The following COX15 variants were observed in gnomAD, a reference collection of about 807,000 sequenced individuals.
COX15 encodes cytochrome c oxidase assembly factor COX15.
In COX15, 51 loss-of-function variants were observed where a neutral mutation model predicts 51.9. The observed-to-expected ratio is 0.98, with a 90% CI of 0.78 to 1.24. The LOEUF is 1.24. Among genes scored for constraint, COX15 ranks in the 50% most tolerant of loss-of-function variants. The pLI is 0.00. For synonymous variants in COX15, 188 were observed against 190.5 expected (o/e 0.99, Z 0.11); for missense variants, 420 against 501.1 (o/e 0.84, Z 1.55).
rs2036449367 is a variant in COX15 at position 99,713,140 on chromosome 10, G to C, written c.*1447C>G. On this transcript the variant is annotated 3_prime_UTR_variant, in exon 9 of 9. Transcript: ENST00000016171. ...TGTGACACTTCTACTGATAAAACCT[G>C]AAGTACCACTAATTTTTCTGTTATC... is the stretch of plus-strand genomic sequence containing the variant. The C allele has an allele frequency of 7.6e-7, 1 of 1,310,172 alleles. No individual in the cohort carries two copies. The highest frequency in any genetic ancestry group is 9.8e-7 in the Non-Finnish European group (1 of 1,023,388). 81.2% of individuals were successfully genotyped at this position (1,310,172 alleles called of 1,614,324 possible). A position where few individuals can be genotyped will look rare whatever the true frequency, so the allele number is the denominator to read the frequency against.
intron 5 of COX15, among the ~76,000 whole-genome samples, chr10:99,721,707 A>G (rs559022098): frequency 1.3e-5 from 2 of 152,290 alleles, no homozygotes; most frequent in Admixed American, 6.5e-5. Flanking sequence ...ATAGGACAGT[A>G]TATCAGCACT....
chr10:99,697,923 A>G, the COX15 span: 4 of 154,518 alleles, frequency 2.6e-5, no homozygotes, highest in Admixed American at 2.5e-4. Context: ...TATAAACTCA[A>G]AATAACTGGA....
the COX15 span, among the ~76,000 whole-genome samples, chr10:99,695,139 T>C: frequency 6.6e-6 from 1 of 152,162 alleles, no homozygotes; most frequent in Non-Finnish European, 1.5e-5. Context: ...GAAAAAAATA[T>C]AGCACCTTTT....
rs1564651339 is a variant in COX15 at position 99,729,691 on chromosome 10, GT to G, written c.133del (p.Thr45ProfsTer5). Reference protein sequence around the residue: ...RRPLRPGQYSTISEVALQSGR... With the variant: ...RRPLRPGQYSXISEVALQSGR... ...AGATTGCAAAGCTACTTCAGAGATG[GT>G]GCTGTATTGCCCTGGCCTCAAAGGG... On this transcript the variant is annotated frameshift_variant, in exon 2 of 9. Transcript: ENST00000016171. LOFTEE classifies it high-confidence loss of function. 1 of 1,614,168 alleles carries G rather than the reference GT, an allele frequency of 6.2e-7. No individual in the cohort carries two copies. Among genetic ancestry groups the G allele is most frequent in the South Asian group, 1.1e-5 (1 of 91,082 alleles).
downstream of COX15, chr10:99,706,287 T>C (rs1452176457): frequency 6.6e-6 from 1 of 152,140 alleles, no homozygotes. Flanking sequence ...CAGTCTTGTA[T>C]TGTTTTAAAA....
At chr10:99,694,339 G>T in the COX15 span, among the ~76,000 whole-genome samples, 4 of 152,036 alleles carry the variant, frequency 2.6e-5, no homozygotes, top group African/African-American at 9.7e-5. Context: ...TGTTTTCAAG[G>T]TTCAGCCATC....
intron 6 of COX15, among the ~76,000 whole-genome samples, chr10:99,719,561 G>A (rs941746526): frequency 3.3e-5 from 5 of 151,934 alleles, no homozygotes; most frequent in South Asian, 2.1e-4. Flanking sequence ...CGCAATCTCC[G>A]CTCACTGCAG....
chr10:99,722,498 G>A (rs1200025738), intron 5 of COX15, among the ~76,000 whole-genome samples: 2 of 152,020 alleles, frequency 1.3e-5, no homozygotes, highest in Non-Finnish European at 2.9e-5. Flanking sequence ...TCATTAAGAT[G>A]AATTCATTTT....
chr10:99,704,360 G>A, the COX15 span: 3 of 1,244,612 alleles, frequency 2.4e-6, no homozygotes, highest in Non-Finnish European at 2.3e-6. Flanking sequence ...TGGAATAAAT[G>A]TGATAACACT....
chr10:99,714,663 G>C lies in COX15; in HGVS notation c.1157C>G (p.Thr386Ser). Residue 386 changes from threonine (T) to serine (S), a missense_variant, in exon 9 of 9, where the codon ACT (threonine) becomes AGT (serine). Thr to Ser is a moderately conservative substitution (Grantham distance 58). Transcript: ENST00000016171. ...CAAAGCCAAGGAGCCTGACTGGTGAGTGGCGGCCAGAGGAGTTGGGACATA... is the reference window on the plus strand; with the variant it reads ...CAAAGCCAAGGAGCCTGACTGGTGACTGGCGGCCAGAGGAGTTGGGACATA... ...LMYVPTPLAA[T>S]HQSGSLALLT... The C allele has an allele frequency of 6.2e-7, 1 of 1,614,088 alleles. No homozygotes were observed. Among genetic ancestry groups the C allele is most frequent in the Non-Finnish European group, 8.5e-7 (1 of 1,180,018 alleles).
chr10:99,698,848 A>G, the COX15 span: 1 of 1,595,724 alleles, frequency 6.3e-7, no homozygotes, highest in East Asian at 2.2e-5. Flanking sequence ...ACATTTGCCA[A>G]GGCTGCTCAG....
At chr10:99,697,320 G>A in the COX15 span, 14 of 153,694 alleles carry the variant, frequency 9.1e-5, no homozygotes, top group Non-Finnish European at 1.5e-4. Flanking sequence ...GCACCATGAT[G>A]TTTGAAGATC....
At chr10:99,729,776 A>G (rs774498605) in intron 1 of COX15, 42 bp from the exon 2 acceptor site, 2 of 1,600,578 alleles carry the variant, frequency 1.2e-6, no homozygotes. Context: ...AGAAACAGGG[A>G]ATGGCTGCTA....
At position 99,710,965 on chromosome 10, in the gene COX15, C is replaced by G. The variant is rs2036363220; in HGVS notation, c.*3622G>C. The G allele has an allele frequency of 1.0e-6, 1 of 985,240 alleles. No individual in the cohort carries two copies. Among genetic ancestry groups the G allele is most frequent in the South Asian group, 4.7e-5 (1 of 21,288 alleles). The allele number at this position is 985,240 out of a possible 1,614,324, so 61.0% of individuals were successfully genotyped here. A position where few individuals can be genotyped will look rare whatever the true frequency, so the allele number is the denominator to read the frequency against. Reference sequence around the variant, plus strand: ...AAATATTAAGGGAAATCTATTTAATCCTATAGGTATGTGATGACTTGTTTT... The same window carrying G: ...AAATATTAAGGGAAATCTATTTAATGCTATAGGTATGTGATGACTTGTTTT... On this transcript the variant is annotated 3_prime_UTR_variant, in exon 9 of 9. Transcript: ENST00000016171.
chr10:99,702,824 C>T, the COX15 span: 1 of 637,594 alleles, frequency 1.6e-6, no homozygotes, highest in South Asian at 3.3e-5. Flanking sequence ...AACTCCTTTA[C>T]TTCCATGTGA....
chr10:99,721,207 C>A (rs2036759106), intron 5 of COX15, 139 bp from the exon 6 acceptor site: 3 of 703,270 alleles, frequency 4.3e-6, no homozygotes, highest in South Asian at 1.5e-5. Flanking sequence ...GTACTCCTGG[C>A]AGATATTCTG....
chr10:99,694,498 A>G, the COX15 span, among the ~76,000 whole-genome samples: 2 of 151,022 alleles, frequency 1.3e-5, no homozygotes, highest in Non-Finnish European at 2.9e-5. Context: ...GCTGCTGTGA[A>G]CATTCATATA....
At chr10:99,695,329 C>G in the COX15 span, among the ~76,000 whole-genome samples, 1 of 152,014 alleles carries the variant, frequency 6.6e-6, no homozygotes, top group Non-Finnish European at 1.5e-5. Context: ...TCGAGAACAT[C>G]CTGGCCAACA....
At chr10:99,716,539 AC>A in intron 7 of COX15, 78 bp from the exon 8 acceptor site, 1 of 968,636 alleles carries the variant, frequency 1.0e-6, no homozygotes, top group Non-Finnish European at 1.6e-6. Flanking sequence ...CTCCTCTAGA[AC>A]CACTCAGCAA....
Sources: gnomAD v4.1 joint callset for allele counts (sites outside exome capture counted in the v4.1 genomes callset) on GRCh38, gnomAD v4.1.1 for gene constraint, MANE v1.5 for transcripts, NCBI Gene and HGNC (gene_info 2026-07-23, HGNC 2026-07-21) for gene names.